Variants in FBXW4 observed in about 807,000 individuals in gnomAD.
FBXW4 encodes the protein F-box/WD repeat-containing protein 4.
In FBXW4, 40 loss-of-function variants were observed where a neutral mutation model predicts 61.8. The ratio of observed to expected loss-of-function variants is 0.65; its 90% CI spans 0.50 to 0.84. The LOEUF is 0.84. Among genes scored for constraint, FBXW4 ranks in the 40% least tolerant of loss-of-function variants. The probability of loss-of-function intolerance (pLI) is 0.00; values close to 1 mark genes in which losing one functional copy is unlikely to be tolerated. For synonymous variants in FBXW4, 311 were observed against 313.8 expected, an observed-to-expected ratio of 0.99 and a Z score of 0.10; for missense variants, 672 against 753.8, an observed-to-expected ratio of 0.89 and a Z score of 1.27.
At chr10:101,665,249 A>T (rs1044995313) in intron 5 of FBXW4, among the ~76,000 whole-genome samples, 2 of 152,228 alleles carry the variant, frequency 1.3e-5, no homozygotes, top group African/African-American at 4.8e-5. Flanking sequence ...GTGTAAAGAC[A>T]GAATCTCAAA....
intron 5 of FBXW4, among the ~76,000 whole-genome samples, chr10:101,646,485 C>T (rs557367509): frequency 2.0e-3 from 307 of 152,326 alleles, no homozygotes; most frequent in Non-Finnish European, 3.4e-3. Flanking sequence ...GAGGAGATCC[C>T]TGGGCTCCAG....
rs977225092 is a variant in FBXW4 at position 101,658,339 on chromosome 10, G to A, written c.1235+9547C>T. On this transcript the variant is annotated intron_variant, in intron 5 of 8. Transcript: ENST00000331272. ...AGGCAGGTGGATCATAAGGTCAGGA[G>A]TTCAAGACCAGCCTGCCCAACATGG... Among the ~76,000 whole-genome samples the A allele has an allele frequency of 3.3e-5, 5 of 152,298 alleles. No individual in the cohort carries two copies. In the South Asian group the frequency reaches 1.0e-3, roughly 32 times the overall value.
At chr10:101,654,204 G>A (rs2064167513) in intron 5 of FBXW4, among the ~76,000 whole-genome samples, 1 of 150,046 alleles carries the variant, frequency 6.7e-6, no homozygotes. Context: ...CCCCAAAAAA[G>A]GTCCCAAGCA....
chr10:101,679,136 A>C (rs1181111810), intron 1 of FBXW4, among the ~76,000 whole-genome samples: 1 of 152,172 alleles, frequency 6.6e-6, no homozygotes, highest in Non-Finnish European at 1.5e-5. Context: ...ACCTGGCCTC[A>C]AGCAATCCTC....
At chr10:101,677,128 T>C (rs190547762) in intron 1 of FBXW4, among the ~76,000 whole-genome samples, 11 of 152,342 alleles carry the variant, frequency 7.2e-5, no homozygotes, top group Admixed American at 7.2e-4. Flanking sequence ...ACAGCCATTT[T>C]GGGAAAAGGT....
At chr10:101,681,225 T>C (rs1215156728) in intron 1 of FBXW4, among the ~76,000 whole-genome samples, 3 of 150,858 alleles carry the variant, frequency 2.0e-5, no homozygotes, top group Non-Finnish European at 3.0e-5. Flanking sequence ...CTGTCTCTAC[T>C]AAAAATACAA....
At chr10:101,623,202 G>A (rs769411936) in intron 6 of FBXW4, among the ~76,000 whole-genome samples, 6 of 152,078 alleles carry the variant, frequency 3.9e-5, no homozygotes, top group Non-Finnish European at 5.9e-5. Context: ...CAGACAGATC[G>A]CTTGAGCCCA....
At chr10:101,686,911 C>T (rs2064539817) in intron 1 of FBXW4, among the ~76,000 whole-genome samples, 1 of 152,134 alleles carries the variant, frequency 6.6e-6, no homozygotes, top group East Asian at 1.9e-4. Flanking sequence ...AACACACATA[C>T]CACCCATATC....
chr10:101,690,311 C>T (rs538136035), intron 1 of FBXW4, among the ~76,000 whole-genome samples: 2 of 152,244 alleles, frequency 1.3e-5, no homozygotes, highest in South Asian at 4.2e-4. Flanking sequence ...TCCTCTTACT[C>T]TTTAGGGAAA....
At position 101,672,955 on chromosome 10, in the gene FBXW4, C is replaced by A; in HGVS notation, c.1100G>T (p.Gly367Val). ...EQEVNCVDCK[G>V]GIIVSGSRDR... ...CCTGGAGCCACTCACAATGATGCCC[C>A]CTTTGCAATCCACACAGTTCACCTC... is the stretch of plus-strand genomic sequence containing the variant. The change falls in exon 4 of 9, where the codon GGG (glycine) becomes GTG (valine). Residue 367 changes from glycine to valine, a missense_variant. Coordinates refer to ENST00000331272, the MANE Select transcript of FBXW4 (RefSeq NM_022039.4). 6.2e-7 allele frequency: 1 copy of A among 1,614,080 alleles called. No homozygotes were observed. The highest frequency in any genetic ancestry group is 8.5e-7 in the Non-Finnish European group (1 of 1,180,028).
At chr10:101,674,564 G>A (rs1307850218) in intron 2 of FBXW4, among the ~76,000 whole-genome samples, 1 of 152,182 alleles carries the variant, frequency 6.6e-6, no homozygotes, top group African/African-American at 2.4e-5. Flanking sequence ...TGAAAGGAAT[G>A]AAGCCATTTA....
intron 2 of FBXW4, 69 bp downstream of exon 2, chr10:101,676,271 AC>A: frequency 7.9e-7 from 1 of 1,273,666 alleles, no homozygotes. Context: ...TCTATGTAGG[AC>A]CAGATTTTTT....
chr10:101,661,439 G>A (rs1299308935), intron 5 of FBXW4, among the ~76,000 whole-genome samples: 4 of 152,172 alleles, frequency 2.6e-5, no homozygotes, highest in Admixed American at 1.3e-4. Context: ...CATATGCATG[G>A]GCAATGAACT....
Position 101,694,381 on chromosome 10 carries a change from AG to A in FBXW4, c.724del (p.Leu242Ter). On this transcript the variant is annotated frameshift_variant and splice_region_variant, in exon 1 of 9. Transcript: ENST00000331272. LOFTEE classifies it high-confidence loss of function. The surrounding 1 kb of genome is among the most constrained non-coding windows in gnomAD (Gnocchi z 6.0). ...NSGFTRLGTD[L>X]MTSVPVKERV... ...AGCGGGCGGGCGAGCGGACGCTTAC[AG>A]GTCGGTGCCGAGCCGCGTGAAGCCG... The A allele has an allele frequency of 7.1e-7, 1 of 1,406,256 alleles. No homozygotes were observed. Among genetic ancestry groups the A allele is most frequent in the Non-Finnish European group, 9.2e-7 (1 of 1,089,980 alleles). The allele number at this position is 1,406,256 out of a possible 1,614,324, so 87.1% of individuals were successfully genotyped here.
In FBXW4 at chr10:101,694,474, C is replaced by A. The variant is rs2064651165; in HGVS notation, c.632G>T (p.Arg211Leu). ...RALGRLAQVCRWLRRFTSCDL... is the reference protein window; with the variant it reads ...RALGRLAQVCLWLRRFTSCDL... ...GCAGCTGGTGAAGCGCCGCAGCCAG[C>A]GGCACACCTGGGCCAGGCGGCCGAG... Residue 211 changes from arginine to leucine, a missense_variant, in exon 1 of 9, where the codon CGC becomes CTC. Arg to Leu is a moderately radical substitution (Grantham distance 102). Coordinates refer to ENST00000331272, the MANE Select transcript of FBXW4 (RefSeq NM_022039.4). This position sits in a 1 kb window ranked among gnomAD's most constrained non-coding sequence, Gnocchi z 6.0. 6.5e-7 allele frequency: 1 copy of A among 1,532,352 alleles called. No individual in the cohort carries two copies. The highest frequency in any genetic ancestry group is 8.7e-7 in the Non-Finnish European group (1 of 1,150,858). 94.9% of individuals were successfully genotyped at this position (1,532,352 alleles called of 1,614,324 possible).
At chr10:101,639,527 T>A (rs1348136007) in intron 5 of FBXW4, among the ~76,000 whole-genome samples, 2 of 152,230 alleles carry the variant, frequency 1.3e-5, no homozygotes, top group African/African-American at 2.4e-5. Context: ...CCTATTGTTC[T>A]GTGTGCCCAC....
intron 5 of FBXW4, 128 bp from the exon 6 acceptor site, chr10:101,624,938 C>A: frequency 2.1e-6 from 2 of 955,404 alleles, no homozygotes; most frequent in Admixed American, 2.0e-5. Context: ...AGAGAAGTGG[C>A]CAAGGGAGCC....
At chr10:101,668,156 C>T (rs980842495) in intron 4 of FBXW4, among the ~76,000 whole-genome samples, 176 bp from the exon 5 acceptor site, 2 of 152,194 alleles carry the variant, frequency 1.3e-5, no homozygotes, top group African/African-American at 4.8e-5. Context: ...CACCTACCCC[C>T]GCAGATAGGC....
At chr10:101,683,676 G>A (rs979784708) in intron 1 of FBXW4, among the ~76,000 whole-genome samples, 8 of 152,220 alleles carry the variant, frequency 5.3e-5, no homozygotes, top group East Asian at 1.9e-4. Context: ...TAGGTATATC[G>A]AAGAGGTCTT....
Sources: allele counts gnomAD v4.1 joint callset (sites outside exome capture counted in the v4.1 genomes callset), GRCh38; gene constraint gnomAD v4.1.1; non-coding constraint Gnocchi (gnomAD v3.1); transcripts MANE v1.5; gene names NCBI Gene and HGNC (gene_info 2026-07-23, HGNC 2026-07-21).